The following ROBO2 variants were observed in gnomAD, a reference collection of about 807,000 sequenced individuals.
ROBO2 encodes roundabout homolog 2.
Under a neutral mutation model 160.8 loss-of-function variants are expected in ROBO2, and 53 were observed. That is an observed-to-expected ratio of 0.33 (90% CI 0.26 to 0.41). The LOEUF is 0.41. Ranked by LOEUF, ROBO2 falls within the 10% of genes least tolerant of loss-of-function variation. The pLI is 1.00. For missense variants in ROBO2, 1,577 were observed against 1,722.4 expected, an observed-to-expected ratio of 0.92 and a Z score of 1.49; for synonymous variants, 664 against 611.7, an observed-to-expected ratio of 1.09 and a Z score of -1.26.
chr3:76,935,845 T>C (rs2077664860), intron 2 of ROBO2, among the ~76,000 whole-genome samples: 1 of 152,166 alleles, frequency 6.6e-6, no homozygotes, highest in African/African-American at 2.4e-5. Flanking sequence ...CTGGGGTCTT[T>C]TTTAATATGA....
intron 17 of ROBO2, among the ~76,000 whole-genome samples, chr3:77,594,683 G>T (rs1221589962): frequency 6.6e-6 from 1 of 152,040 alleles, no homozygotes; most frequent in Non-Finnish European, 1.5e-5. Flanking sequence ...ATAAGTATTT[G>T]TTTTTCTTGT....
intron 2 of ROBO2, chr3:77,317,267 T>G (rs1421360205): frequency 1.3e-5 from 10 of 769,936 alleles, no homozygotes; most frequent in Non-Finnish European, 2.3e-5. Flanking sequence ...CCTGTCTTGA[T>G]TTTAGCATTT....
intron 24 of ROBO2, among the ~76,000 whole-genome samples, chr3:77,639,970 A>C (rs1313073041): frequency 1.3e-5 from 2 of 152,176 alleles, no homozygotes; most frequent in Non-Finnish European, 2.9e-5. Context: ...TTGGAGGTAG[A>C]GCTAACGGGA....
chr3:76,225,327 AT>A (rs1205294779), intron 2 of ROBO2, among the ~76,000 whole-genome samples: 1 of 152,206 alleles, frequency 6.6e-6, no homozygotes, highest in Non-Finnish European at 1.5e-5. Context: ...ATTGCAAAAT[AT>A]GTGTGTATTA....
intron 2 of ROBO2, among the ~76,000 whole-genome samples, chr3:75,990,570 A>C (rs2107508505): frequency 6.6e-6 from 1 of 152,344 alleles, no homozygotes; most frequent in Non-Finnish European, 1.5e-5. Flanking sequence ...AATTACTGAA[A>C]GATAGACTAA....
chr3:76,272,689 A>G lies in ROBO2; in HGVS notation c.109+335087A>G, dbSNP rs371412249. Reference sequence around the variant, plus strand: ...AATACATACACATATAAATATATATATATATTCTATATATATAAAATATAT... The same window carrying G: ...AATACATACACATATAAATATATATGTATATTCTATATATATAAAATATAT... On this transcript the variant is annotated intron_variant, in intron 2 of 26. Transcript: ENST00000487694. 8.4e-4 allele frequency among the ~76,000 whole-genome samples: 110 copies of G among 130,826 alleles called. 2 individuals are homozygous for G. In the South Asian group the frequency reaches 0.023, roughly 27 times the overall value. The allele number at this position is 130,826 out of a possible 152,430, so 85.8% of individuals were successfully genotyped here.
chr3:76,157,007 T>C (rs759737488), intron 2 of ROBO2, among the ~76,000 whole-genome samples: 9 of 151,992 alleles, frequency 5.9e-5, no homozygotes, highest in Non-Finnish European at 1.0e-4. Flanking sequence ...AAAGAAACAG[T>C]TGTAATTAAA....
chr3:77,194,838 T>C (rs1433591882), intron 2 of ROBO2, among the ~76,000 whole-genome samples: 1 of 152,174 alleles, frequency 6.6e-6, no homozygotes, highest in Non-Finnish European at 1.5e-5. Context: ...ATAGTTATAG[T>C]ATAAAGCTTG....
chr3:77,246,738 A>G (rs1560333792), intron 2 of ROBO2, among the ~76,000 whole-genome samples: 1 of 152,208 alleles, frequency 6.6e-6, no homozygotes, highest in African/African-American at 2.4e-5. Flanking sequence ...TCTGAAAGCT[A>G]TCAAGCAAGC....
intron 1 of ROBO2, among the ~76,000 whole-genome samples, chr3:75,911,036 AT>A (rs141969770): frequency 5.4e-5 from 8 of 149,178 alleles, no homozygotes; most frequent in Admixed American, 6.7e-5. Flanking sequence ...AAACAATGCA[AT>A]TTTTTTTTTA....
At chr3:77,289,059 G>C (rs1188159610) in intron 2 of ROBO2, among the ~76,000 whole-genome samples, 2 of 152,110 alleles carry the variant, frequency 1.3e-5, no homozygotes, top group Non-Finnish European at 2.9e-5. Context: ...AGTGGGACTG[G>C]AATACTATGA....
intron 2 of ROBO2, among the ~76,000 whole-genome samples, chr3:76,871,541 G>C (rs2072079302): frequency 7.2e-6 from 1 of 138,628 alleles, no homozygotes; most frequent in African/African-American, 2.7e-5. Context: ...GCGACAGAGC[G>C]AGACTCCGTC....
intron 1 of ROBO2, among the ~76,000 whole-genome samples, chr3:77,074,756 G>C (rs757022434): frequency 5.3e-5 from 8 of 152,098 alleles, no homozygotes; most frequent in Non-Finnish European, 4.4e-5. Context: ...ATGAATGAAT[G>C]AATGAATGAA....
At chr3:77,028,841 A>G (rs1315323295) in intron 2 of ROBO2, among the ~76,000 whole-genome samples, 1 of 152,218 alleles carries the variant, frequency 6.6e-6, no homozygotes. Flanking sequence ...TATTTGTGAC[A>G]TATTCTCTGT....
At chr3:77,169,850 C>G (rs181744193) in intron 2 of ROBO2, among the ~76,000 whole-genome samples, 4 of 152,164 alleles carry the variant, frequency 2.6e-5, no homozygotes, top group South Asian at 4.1e-4. Flanking sequence ...CGTTCCCCAC[C>G]AAGGGGGCAG....
chr3:76,305,048 T>A (rs2071268297), intron 2 of ROBO2, among the ~76,000 whole-genome samples: 1 of 151,982 alleles, frequency 6.6e-6, no homozygotes, highest in African/African-American at 2.4e-5. Flanking sequence ...TTTACATTGC[T>A]GTTGTTGCAG....
intron 2 of ROBO2, among the ~76,000 whole-genome samples, chr3:77,476,895 T>A (rs1156432790): frequency 2.0e-5 from 3 of 152,164 alleles, no homozygotes; most frequent in Non-Finnish European, 2.9e-5. Flanking sequence ...GGGTGAACTA[T>A]GAATCTGTCT....
chr3:76,029,516 A>G (rs2066851072), intron 2 of ROBO2, among the ~76,000 whole-genome samples: 1 of 151,792 alleles, frequency 6.6e-6, no homozygotes, highest in African/African-American at 2.4e-5. Flanking sequence ...CCCTCCCCCC[A>G]TTCCCCAACC....
At chr3:76,110,436 G>C (rs1287926664) in intron 2 of ROBO2, among the ~76,000 whole-genome samples, 1 of 152,006 alleles carries the variant, frequency 6.6e-6, no homozygotes, top group Non-Finnish European at 1.5e-5. Flanking sequence ...AATCACATGA[G>C]GCCTAATTAT....
Sources: allele counts gnomAD v4.1 joint callset (sites outside exome capture counted in the v4.1 genomes callset), GRCh38; gene constraint gnomAD v4.1.1; transcripts MANE v1.5; gene names NCBI Gene and HGNC (gene_info 2026-07-23, HGNC 2026-07-21).